Variants in SLC4A10 observed in about 807,000 individuals in gnomAD.
The protein encoded by SLC4A10 is sodium-driven chloride bicarbonate exchanger.
Under a neutral mutation model 137.7 loss-of-function variants are expected in SLC4A10, and 42 were observed. The ratio of observed to expected loss-of-function variants is 0.30; its 90% CI spans 0.24 to 0.39. The LOEUF (loss-of-function observed/expected upper bound fraction) is 0.39, where lower values mean the gene tolerates loss of function less well. SLC4A10 is among the 10% of genes least tolerant of loss of function. The probability of loss-of-function intolerance (pLI) is 1.00; values close to 1 mark genes in which losing one functional copy is unlikely to be tolerated. For missense variants in SLC4A10, 925 were observed against 1,355.0 expected, an observed-to-expected ratio of 0.68 and a Z score of 4.98; for synonymous variants, 474 against 464.1, an observed-to-expected ratio of 1.02 and a Z score of -0.27.
chr2:161,825,846 C>T (rs1249384959), intron 3 of SLC4A10, among the ~76,000 whole-genome samples: 1 of 152,164 alleles, frequency 6.6e-6, no homozygotes, highest in Non-Finnish European at 1.5e-5. Flanking sequence ...GTGTCTGTTT[C>T]ATCTCATGAT....
At chr2:161,906,709 C>G (rs561315989) in intron 15 of SLC4A10, among the ~76,000 whole-genome samples, 2 of 152,156 alleles carry the variant, frequency 1.3e-5, no homozygotes, top group East Asian at 3.9e-4. Context: ...GGCCTTGAAC[C>G]CTTTTAATAT....
chr2:161,871,800 A>G (rs1039516481), intron 6 of SLC4A10, among the ~76,000 whole-genome samples: 1 of 152,138 alleles, frequency 6.6e-6, no homozygotes, highest in Admixed American at 6.5e-5. Context: ...GTTATGGCCA[A>G]AGAAATTTTT....
chr2:161,911,397 A>G (rs887924537), intron 15 of SLC4A10, among the ~76,000 whole-genome samples: 1 of 152,084 alleles, frequency 6.6e-6, no homozygotes, highest in African/African-American at 2.4e-5. Flanking sequence ...GAGAAACTGG[A>G]GTGCAATTTA....
intron 24 of SLC4A10, among the ~76,000 whole-genome samples, chr2:161,975,360 A>G (rs1699226583): frequency 6.6e-6 from 1 of 152,222 alleles, no homozygotes; most frequent in African/African-American, 2.4e-5. Context: ...GCCAAACTGC[A>G]TTCCAGTTTG....
chr2:161,966,795 A>G (rs1423818470), intron 23 of SLC4A10, among the ~76,000 whole-genome samples: 6 of 151,794 alleles, frequency 4.0e-5, no homozygotes, highest in African/African-American at 1.4e-4. Context: ...ATTTCTTTTT[A>G]GGCCTTTAGT....
At chr2:161,785,231 A>G (rs2053490716) in intron 2 of SLC4A10, among the ~76,000 whole-genome samples, 1 of 151,926 alleles carries the variant, frequency 6.6e-6, no homozygotes, top group South Asian at 2.1e-4. Flanking sequence ...AGAAAATTAA[A>G]TCAGTAATAA....
At chr2:161,805,824 T>A (rs2055886068) in intron 3 of SLC4A10, among the ~76,000 whole-genome samples, 1 of 152,190 alleles carries the variant, frequency 6.6e-6, no homozygotes, top group Non-Finnish European at 1.5e-5. Context: ...TGTCAGTGGA[T>A]CTTCCATTCT....
chr2:161,792,717 A>C (rs1332230491), intron 2 of SLC4A10, among the ~76,000 whole-genome samples: 1 of 152,088 alleles, frequency 6.6e-6, no homozygotes, highest in Non-Finnish European at 1.5e-5. Context: ...AATTGTTAAC[A>C]CTCACCAATA....
intron 4 of SLC4A10, among the ~76,000 whole-genome samples, chr2:161,850,292 G>C (rs1049249698): frequency 3.3e-5 from 5 of 152,250 alleles, no homozygotes; most frequent in Admixed American, 2.6e-4. Context: ...CTTGTGATGT[G>C]AGGCAGGAGA....
At chr2:161,820,185 T>C (rs1178759011) in intron 3 of SLC4A10, among the ~76,000 whole-genome samples, 1 of 152,332 alleles carries the variant, frequency 6.6e-6, no homozygotes, top group Admixed American at 6.5e-5. Flanking sequence ...GCACACTCTT[T>C]AGGAGAAATG....
chr2:161,967,496 C>T (rs1358112784), intron 23 of SLC4A10, among the ~76,000 whole-genome samples: 1 of 152,104 alleles, frequency 6.6e-6, no homozygotes, highest in Non-Finnish European at 1.5e-5. Flanking sequence ...TCAGTGAACC[C>T]AGCCATATTT....
At chr2:161,870,061 C>T (rs1186996285) in intron 6 of SLC4A10, among the ~76,000 whole-genome samples, 4 of 151,108 alleles carry the variant, frequency 2.6e-5, no homozygotes, top group African/African-American at 9.7e-5. Flanking sequence ...TCATTATCAA[C>T]CTTATAAAGT....
chr2:161,918,229 C>T (rs1007801929), intron 15 of SLC4A10, among the ~76,000 whole-genome samples: 2 of 152,184 alleles, frequency 1.3e-5, no homozygotes, highest in Non-Finnish European at 2.9e-5. Context: ...AATCTCAGCT[C>T]ACTGCAACCT....
chr2:161,939,340 G>A (rs1692232285), intron 15 of SLC4A10, among the ~76,000 whole-genome samples: 1 of 152,112 alleles, frequency 6.6e-6, no homozygotes, highest in African/African-American at 2.4e-5. Flanking sequence ...CTCCCAAAGT[G>A]CTGGAATTAC....
chr2:161,946,670 TTTGAAATGCTCAG>T (rs1383663153), intron 16 of SLC4A10, among the ~76,000 whole-genome samples: 4 of 150,278 alleles, frequency 2.7e-5, no homozygotes, highest in African/African-American at 9.7e-5. Context: ...AAAATATTTG[TTTGAAATGCTCAG>T]TTTTTCCTGG....
Position 161,900,913 on chromosome 2 carries a change from G to A in SLC4A10, c.1344G>A (p.Glu448=), listed in dbSNP as rs747371868. 22 of 1,542,162 alleles carry A rather than the reference G, an allele frequency of 1.4e-5. No homozygotes were observed. Among genetic ancestry groups the A allele is most frequent in the Non-Finnish European group, 1.7e-5 (20 of 1,144,410 alleles). The change falls in exon 12 of 27, where the codon GAG becomes GAA. Residue 448 remains glutamate (E), a splice_region_variant and synonymous_variant. Transcript: ENST00000446997. ...CATGAACAAAAAACTCTCCACAGGAGAAGAGGAAGATTCCTGCTGTACCAA... is the reference window on the plus strand; with the variant it reads ...CATGAACAAAAAACTCTCCACAGGAAAAGAGGAAGATTCCTGCTGTACCAA... The part of the protein sequence containing the change: ...IEPPKNVPSQ[E]KRKIPAVPNG...
intron 5 of SLC4A10, among the ~76,000 whole-genome samples, chr2:161,860,143 A>AT (rs1250201588): frequency 6.6e-6 from 1 of 152,150 alleles, no homozygotes; most frequent in African/African-American, 2.4e-5. Context: ...AAAATGAGTA[A>AT]TTTTTTCCAG....
intron 11 of SLC4A10, among the ~76,000 whole-genome samples, chr2:161,896,333 G>T (rs1226797579): frequency 6.6e-6 from 1 of 151,950 alleles, no homozygotes; most frequent in African/African-American, 2.4e-5. Context: ...AGTATAGTTT[G>T]AAGTCAGGTA....
chr2:161,767,545 C>T (rs192250997), intron 1 of SLC4A10, among the ~76,000 whole-genome samples: 2 of 151,720 alleles, frequency 1.3e-5, no homozygotes, highest in Non-Finnish European at 2.9e-5. Flanking sequence ...GTGGAACTTG[C>T]TATACTCTGC....
Sources: gnomAD v4.1 joint callset for allele counts (sites outside exome capture counted in the v4.1 genomes callset) on GRCh38, gnomAD v4.1.1 for gene constraint, MANE v1.5 for transcripts, NCBI Gene and HGNC (gene_info 2026-07-23, HGNC 2026-07-21) for gene names.